UNC5D: variants seen among roughly 807,000 people sequenced by gnomAD.
UNC5D encodes unc-5 netrin receptor D.
A neutral mutation model predicts 105.4 loss-of-function variants in UNC5D; 39 were observed. That is an observed-to-expected ratio of 0.37 (90% CI 0.29 to 0.48). The LOEUF (loss-of-function observed/expected upper bound fraction) is 0.48. Ranked by LOEUF, UNC5D falls within the 20% of genes least tolerant of loss-of-function variation. The pLI, the probability that UNC5D is intolerant of heterozygous loss-of-function variation, is 0.98. For synonymous variants in UNC5D, 452 were observed against 450.4 expected (o/e 1.00, Z -0.04); for missense variants, 991 against 1,202.4 (o/e 0.82, Z 2.60).
chr8:35,549,047 C>T (rs1170490383), intron 1 of UNC5D, among the ~76,000 whole-genome samples: 3 of 152,314 alleles, frequency 2.0e-5, no homozygotes, highest in East Asian at 1.9e-4. Flanking sequence ...AAATTTGAGG[C>T]GTGTCCTATT....
intron 4 of UNC5D, among the ~76,000 whole-genome samples, chr8:35,667,763 T>C (rs1490431651): frequency 6.6e-6 from 1 of 152,216 alleles, no homozygotes; most frequent in Non-Finnish European, 1.5e-5. Context: ...CGTGGAGATA[T>C]TTCCAATTCT....
chr8:35,789,299 T>C (rs1802918971), intron 16 of UNC5D, among the ~76,000 whole-genome samples: 1 of 149,520 alleles, frequency 6.7e-6, no homozygotes, highest in South Asian at 2.1e-4. Context: ...ATTTCATGAC[T>C]GAGGAACTAG....
intron 9 of UNC5D, among the ~76,000 whole-genome samples, chr8:35,725,917 G>T (rs559954669): frequency 6.6e-6 from 1 of 152,170 alleles, no homozygotes; most frequent in Non-Finnish European, 1.5e-5. Flanking sequence ...AAGATCTCTG[G>T]AAAGTGAAAG....
At chr8:35,658,277 A>G (rs374329430) in intron 4 of UNC5D, among the ~76,000 whole-genome samples, 142 of 152,330 alleles carry the variant, frequency 9.3e-4, no homozygotes, top group African/African-American at 3.1e-3. Context: ...TGTGTCAGCA[A>G]ATAGATATTT....
At chr8:35,452,345 A>G (rs1230683087) in intron 1 of UNC5D, among the ~76,000 whole-genome samples, 1 of 152,098 alleles carries the variant, frequency 6.6e-6, no homozygotes, top group East Asian at 1.9e-4. Flanking sequence ...GCTCACTGCC[A>G]TCTCCACCTC....
At position 35,359,135 on chromosome 8, in the gene UNC5D, G is replaced by A. The variant is rs147460247; in HGVS notation, c.103+123248G>A. Among the ~76,000 whole-genome samples, 328 of 152,314 alleles carry A rather than the reference G, an allele frequency of 2.2e-3. 1 individual carries two copies. Among genetic ancestry groups the A allele is most frequent in the Middle Eastern group, 6.8e-3 (2 of 294 alleles). ...CACTGCACTCTGTCTGGATGGCCAA[G>A]CAAGACCCTGTCTTTAAAAAACAGA... On this transcript the variant is annotated intron_variant, in intron 1 of 16. Transcript: ENST00000404895.
intron 1 of UNC5D, among the ~76,000 whole-genome samples, chr8:35,339,507 T>C (rs1380256486): frequency 6.6e-6 from 1 of 152,192 alleles, no homozygotes; most frequent in Non-Finnish European, 1.5e-5. Flanking sequence ...AGGCTAGTTC[T>C]CCAGGGCATC....
At chr8:35,662,874 G>A (rs986088063) in intron 4 of UNC5D, among the ~76,000 whole-genome samples, 3 of 152,294 alleles carry the variant, frequency 2.0e-5, no homozygotes, top group Middle Eastern at 3.4e-3. Context: ...TACCACCTGA[G>A]CTCTGCCTCC....
chr8:35,368,856 C>T (rs1008070934), intron 1 of UNC5D, among the ~76,000 whole-genome samples: 2 of 152,060 alleles, frequency 1.3e-5, no homozygotes, highest in African/African-American at 4.8e-5. Context: ...TGTAAGGACA[C>T]AGTAAGAGGG....
chr8:35,724,839 A>G (rs1828774023), intron 9 of UNC5D, among the ~76,000 whole-genome samples: 1 of 152,176 alleles, frequency 6.6e-6, no homozygotes, highest in South Asian at 2.1e-4. Context: ...AAGACCATAA[A>G]CAGGAGCAAA....
At chr8:35,561,184 C>T (rs567466122) in intron 2 of UNC5D, among the ~76,000 whole-genome samples, 1 of 152,310 alleles carries the variant, frequency 6.6e-6, no homozygotes, top group South Asian at 2.1e-4. Flanking sequence ...CCCCTAACCA[C>T]CATTTCTATG....
intron 1 of UNC5D, among the ~76,000 whole-genome samples, chr8:35,261,086 T>G (rs975245259): frequency 6.6e-6 from 1 of 152,244 alleles, no homozygotes; most frequent in African/African-American, 2.4e-5. Flanking sequence ...GTGGTAGAGT[T>G]ACATTCTACT....
At chr8:35,534,010 C>A (rs900458767) in intron 1 of UNC5D, among the ~76,000 whole-genome samples, 1 of 148,238 alleles carries the variant, frequency 6.7e-6, no homozygotes, top group Non-Finnish European at 1.5e-5. Context: ...CCGTCTTCTG[C>A]GTCGCTCACG....
intron 1 of UNC5D, among the ~76,000 whole-genome samples, chr8:35,453,335 G>A (rs1333703000): frequency 6.6e-6 from 1 of 152,062 alleles, no homozygotes. Context: ...ATGAAGCAAA[G>A]GTGTTGTACT....
chr8:35,455,328 G>C (rs1808415856), intron 1 of UNC5D, among the ~76,000 whole-genome samples: 1 of 151,606 alleles, frequency 6.6e-6, no homozygotes, highest in Non-Finnish European at 1.5e-5. Context: ...ACCCAGGGTG[G>C]GGTACAGTGG....
At chr8:35,615,847 A>G (rs979631657) in intron 4 of UNC5D, among the ~76,000 whole-genome samples, 1 of 152,200 alleles carries the variant, frequency 6.6e-6, no homozygotes, top group Non-Finnish European at 1.5e-5. Context: ...CAGAGGATGA[A>G]TATTTGCACA....
intron 1 of UNC5D, among the ~76,000 whole-genome samples, chr8:35,337,955 A>G (rs1404994764): frequency 4.6e-5 from 7 of 152,230 alleles, no homozygotes; most frequent in Non-Finnish European, 8.8e-5. Flanking sequence ...TTGCTTTCTC[A>G]TTGCTTTAAA....
At chr8:35,779,736 G>T (rs965268097) in intron 16 of UNC5D, among the ~76,000 whole-genome samples, 1 of 152,112 alleles carries the variant, frequency 6.6e-6, no homozygotes, top group Non-Finnish European at 1.5e-5. Context: ...GATTACAGGC[G>T]TGTGCCACCA....
intron 1 of UNC5D, among the ~76,000 whole-genome samples, chr8:35,341,779 A>AT (rs1811473194): frequency 6.6e-6 from 1 of 152,110 alleles, no homozygotes; most frequent in Admixed American, 6.6e-5. Context: ...CAACCAGCTA[A>AT]TTTTTTAAAA....
Sources: gnomAD v4.1 joint callset for allele counts (sites outside exome capture counted in the v4.1 genomes callset) on GRCh38, gnomAD v4.1.1 for gene constraint, MANE v1.5 for transcripts, NCBI Gene and HGNC (gene_info 2026-07-23, HGNC 2026-07-21) for gene names.